Variants in FOXP2 observed in about 807,000 individuals in gnomAD.
FOXP2 encodes forkhead box P2, also known as forkhead box protein P2.
In FOXP2, 12 loss-of-function variants were observed where a neutral mutation model predicts 115.8. That is an observed-to-expected ratio of 0.10 (90% CI 0.07 to 0.17). FOXP2 has a LOEUF of 0.17. Ranked by LOEUF, FOXP2 falls within the 10% of genes least tolerant of loss-of-function variation. The pLI, the probability that FOXP2 is intolerant of heterozygous loss-of-function variation, is 1.00. For missense variants in FOXP2, 629 were observed against 843.5 expected, an observed-to-expected ratio of 0.75 and a Z score of 3.15; for synonymous variants, 328 against 297.7, an observed-to-expected ratio of 1.10 and a Z score of -1.05.
At chr7:114,527,698 G>A (rs575558691) in intron 2 of FOXP2, among the ~76,000 whole-genome samples, 3 of 152,218 alleles carry the variant, frequency 2.0e-5, no homozygotes, top group African/African-American at 7.2e-5. Context: ...CAAAGGCTGT[G>A]TTTTATAATC....
At chr7:114,356,139 T>C (rs960984432) in intron 2 of FOXP2, among the ~76,000 whole-genome samples, 1 of 152,140 alleles carries the variant, frequency 6.6e-6, no homozygotes, top group Non-Finnish European at 1.5e-5. Context: ...AAAACTAGCC[T>C]TGTTGTTCTG....
chr7:114,571,785 A>C (rs778816478), intron 3 of FOXP2, among the ~76,000 whole-genome samples: 5 of 151,846 alleles, frequency 3.3e-5, no homozygotes, highest in Admixed American at 2.6e-4. Flanking sequence ...TAAATAGTAC[A>C]TCATTTTATA....
chr7:114,160,443 T>G (rs990947408), upstream of FOXP2, among the ~76,000 whole-genome samples: 1 of 152,084 alleles, frequency 6.6e-6, no homozygotes, highest in Non-Finnish European at 1.5e-5. Flanking sequence ...TTGTATATGG[T>G]GAATTCATTG....
chr7:114,419,291 T>A (rs1238675133), intron 1 of FOXP2, among the ~76,000 whole-genome samples: 1 of 152,004 alleles, frequency 6.6e-6, no homozygotes, highest in African/African-American at 2.4e-5. Context: ...GATTTCATTT[T>A]ACATAGGACA....
At chr7:114,408,684 G>A (rs2129198182) in intron 2 of FOXP2, among the ~76,000 whole-genome samples, 1 of 152,100 alleles carries the variant, frequency 6.6e-6, no homozygotes, top group South Asian at 2.1e-4. Flanking sequence ...ATGAGATTGA[G>A]CCATTGCACT....
At chr7:114,145,434 T>TTCTTTTCTTTTCTTC (rs1792339329) in intron 1 of FOXP2, among the ~76,000 whole-genome samples, 1 of 61,514 alleles carries the variant, frequency 1.6e-5, no homozygotes, top group African/African-American at 1.2e-4. Context: ...TTGCCATTTT[T>TTCTTTTCTTTTCTTC]TCTTTTCTTT....
At chr7:114,555,804 C>T (rs1304460605) in intron 3 of FOXP2, among the ~76,000 whole-genome samples, 1 of 151,834 alleles carries the variant, frequency 6.6e-6, no homozygotes, top group Non-Finnish European at 1.5e-5. Context: ...CAAAAACAAA[C>T]AAACAAAAAA....
intron 1 of FOXP2, among the ~76,000 whole-genome samples, chr7:114,143,147 C>CAATAAT (rs77761140): frequency 0.034 from 4,788 of 139,452 alleles, 104 homozygotes; most frequent in Middle Eastern, 0.058. Context: ...GACCCTGTCT[C>CAATAAT]AATAATAATA....
intron 16 of FOXP2, among the ~76,000 whole-genome samples, chr7:114,674,899 A>G (rs975171183): frequency 1.3e-5 from 2 of 152,142 alleles, no homozygotes; most frequent in African/African-American, 4.8e-5. Context: ...AATTACTCAC[A>G]TTTAATTATG....
At chr7:114,611,868 A>G (rs1803646871) in intron 3 of FOXP2, among the ~76,000 whole-genome samples, 1 of 152,182 alleles carries the variant, frequency 6.6e-6, no homozygotes. Flanking sequence ...ATGGGTAAAG[A>G]CATGTAGATA....
At chr7:114,093,148 C>T (rs1799576618) in intron 1 of FOXP2, among the ~76,000 whole-genome samples, 1 of 151,928 alleles carries the variant, frequency 6.6e-6, no homozygotes, top group South Asian at 2.1e-4. Context: ...GTTGTTTTTT[C>T]TCTCATTTGG....
At chr7:114,419,235 A>C (rs1041119393) in intron 1 of FOXP2, among the ~76,000 whole-genome samples, 2 of 151,880 alleles carry the variant, frequency 1.3e-5, no homozygotes, top group Non-Finnish European at 2.9e-5. Flanking sequence ...TGTTATTGGC[A>C]TTTTCTATTG....
chr7:114,313,744 C>CA (rs767886427), intron 2 of FOXP2, among the ~76,000 whole-genome samples: 1,647 of 18,414 alleles, frequency 0.089, 287 homozygotes, highest in Non-Finnish European at 0.12. Flanking sequence ...GACTCCGTCT[C>CA]AAAAAAAAAA....
chr7:114,387,663 G>T (rs1012833691), intron 2 of FOXP2, among the ~76,000 whole-genome samples: 5 of 151,778 alleles, frequency 3.3e-5, no homozygotes, highest in African/African-American at 1.2e-4. Flanking sequence ...TTGATGGGAA[G>T]AACAGAAAAA....
At chr7:114,514,086 T>TACAC (rs141664873) in intron 2 of FOXP2, among the ~76,000 whole-genome samples, 57 of 148,528 alleles carry the variant, frequency 3.8e-4, no homozygotes, top group East Asian at 9.9e-4. Flanking sequence ...TTGTATCTTA[T>TACAC]ACACACACAC....
intron 2 of FOXP2, among the ~76,000 whole-genome samples, chr7:114,531,870 A>G (rs1799159933): frequency 6.6e-6 from 1 of 151,944 alleles, no homozygotes; most frequent in African/African-American, 2.4e-5. Context: ...AACTTGTAAT[A>G]TATTTAATTT....
At chr7:114,330,342 A>C (rs1052418336) in intron 2 of FOXP2, among the ~76,000 whole-genome samples, 5 of 151,964 alleles carry the variant, frequency 3.3e-5, no homozygotes, top group African/African-American at 1.2e-4. Flanking sequence ...AAGGAGAAAT[A>C]TTACGTGAGG....
intron 3 of FOXP2, among the ~76,000 whole-genome samples, chr7:114,552,731 G>A (rs1409162311): frequency 2.0e-5 from 3 of 152,006 alleles, no homozygotes; most frequent in African/African-American, 7.2e-5. Context: ...CCTATGACAT[G>A]CCAGCTTATC....
intron 1 of FOXP2, among the ~76,000 whole-genome samples, chr7:114,102,736 C>T (rs1791020027): frequency 8.1e-6 from 1 of 123,976 alleles, no homozygotes; most frequent in Non-Finnish European, 1.6e-5. Flanking sequence ...ACACACACCC[C>T]AATGGTTATT....
Sources: gnomAD v4.1 joint callset for allele counts (sites outside exome capture counted in the v4.1 genomes callset) on GRCh38, gnomAD v4.1.1 for gene constraint, MANE v1.5 for transcripts, NCBI Gene and HGNC (gene_info 2026-07-23, HGNC 2026-07-21) for gene names.